The following ADAM22 variants were observed in gnomAD, a reference collection of about 807,000 sequenced individuals.
ADAM22 encodes ADAM metallopeptidase domain 22.
Under a neutral mutation model 144.6 loss-of-function variants are expected in ADAM22, and 65 were observed. The observed-to-expected ratio is 0.45, with a 90% CI of 0.37 to 0.55. The LOEUF is 0.55. Ranked by LOEUF, ADAM22 falls within the 20% of genes least tolerant of loss-of-function variation. ADAM22 has a pLI of 0.00. For synonymous variants in ADAM22, 391 were observed against 412.6 expected (o/e 0.95, Z 0.63); for missense variants, 974 against 1,184.9 (o/e 0.82, Z 2.61).
intron 3 of ADAM22, among the ~76,000 whole-genome samples, chr7:88,016,083 A>G (rs1796486790): frequency 1.3e-5 from 2 of 152,198 alleles, no homozygotes. Context: ...TGATTATTAC[A>G]AATGAGGAGT....
At chr7:87,981,477 A>C (rs928191347) in intron 3 of ADAM22, among the ~76,000 whole-genome samples, 3 of 152,112 alleles carry the variant, frequency 2.0e-5, no homozygotes, top group Non-Finnish European at 4.4e-5. Flanking sequence ...GAGGACAACT[A>C]GGAACTGAAG....
intron 29 of ADAM22, chr7:88,186,346 C>T (rs2129539354): frequency 2.4e-6 from 1 of 421,738 alleles, no homozygotes; most frequent in East Asian, 5.1e-5. Flanking sequence ...TGAAAGGGAG[C>T]TTCTAATTCA....
intron 3 of ADAM22, among the ~76,000 whole-genome samples, chr7:88,016,546 T>A (rs545884663): frequency 6.6e-6 from 1 of 152,216 alleles, no homozygotes; most frequent in South Asian, 2.1e-4. Flanking sequence ...TCTTTTTTTC[T>A]TATGTGAAAA....
chr7:88,066,377 G>C (rs1160916849), intron 3 of ADAM22, among the ~76,000 whole-genome samples: 2 of 152,084 alleles, frequency 1.3e-5, no homozygotes, highest in Non-Finnish European at 2.9e-5. Context: ...TTTTTGGCCA[G>C]GGTAACTGGA....
At chr7:87,970,155 A>G (rs559552368) in intron 2 of ADAM22, among the ~76,000 whole-genome samples, 8 of 152,274 alleles carry the variant, frequency 5.3e-5, no homozygotes, top group Non-Finnish European at 8.8e-5. Context: ...AATCCTTTGC[A>G]GCTCTTTTGC....
In ADAM22 at chr7:87,962,977, T is replaced by A. The variant is rs1848311468; in HGVS notation, c.247-15359T>A. On this transcript the variant is annotated intron_variant, in intron 2 of 31. Coordinates refer to ENST00000413139, the MANE Select transcript of ADAM22 (RefSeq NM_001324418.2). ...ACTTTTCATAAGCAACTGCTCACAG[T>A]TTTAAAACAGAGGGAAAACTCTTGG... 2.0e-5 allele frequency among the ~76,000 whole-genome samples: 3 copies of A among 152,256 alleles called. No homozygotes were observed. The South Asian group carries it at 6.2e-4, about 32-fold the overall frequency.
intron 5 of ADAM22, among the ~76,000 whole-genome samples, chr7:88,112,103 C>T (rs1287670399): frequency 2.0e-5 from 3 of 152,190 alleles, no homozygotes; most frequent in African/African-American, 2.4e-5. Context: ...TAGAGAGATA[C>T]TCCCTGCCAT....
intron 4 of ADAM22, among the ~76,000 whole-genome samples, chr7:88,092,765 G>A (rs138422502): frequency 2.4e-4 from 37 of 152,342 alleles, no homozygotes; most frequent in African/African-American, 8.7e-4. Context: ...AAGATTGCAA[G>A]TGGTCTTAAC....
At chr7:88,184,605 C>T (rs1847866656) in intron 29 of ADAM22, among the ~76,000 whole-genome samples, 1 of 152,072 alleles carries the variant, frequency 6.6e-6, no homozygotes, top group African/African-American at 2.4e-5. Context: ...CATCTAACGC[C>T]ATTTTTTTTT....
intron 4 of ADAM22, among the ~76,000 whole-genome samples, chr7:88,082,544 A>G (rs1817049645): frequency 6.6e-6 from 1 of 152,218 alleles, no homozygotes; most frequent in Non-Finnish European, 1.5e-5. Flanking sequence ...ATCAGAGTGA[A>G]CAGGCAACCT....
Position 87,937,584 on chromosome 7 carries a change from A to C in ADAM22, c.246+2398A>C, listed in dbSNP as rs149701977. Among the ~76,000 whole-genome samples, 141 of 152,272 alleles carry C rather than the reference A, an allele frequency of 9.3e-4. 2 individuals are homozygous for C. The East Asian group carries it at 0.026, about 28-fold the overall frequency. ...TGTTGGTGAAAGACCACCACTTTTGAAAAGTGGAGGAGGTCAGTCCTCCTT... is the reference window on the plus strand; with the variant it reads ...TGTTGGTGAAAGACCACCACTTTTGCAAAGTGGAGGAGGTCAGTCCTCCTT... On this transcript the variant is annotated intron_variant, in intron 2 of 31. Coordinates refer to ENST00000413139, the MANE Select transcript of ADAM22 (RefSeq NM_001324418.2).
chr7:88,196,493 A>G lies in ADAM22; in HGVS notation c.*2A>G. ...CAGCTATGGGAGACATCCATTTAAG[A>G]TCAACTGTTTACATGTGATACATCG... On this transcript the variant is annotated 3_prime_UTR_variant, in exon 32 of 32. Transcript: ENST00000413139. 6.2e-7 allele frequency: 1 copy of G among 1,614,128 alleles called. No homozygotes were observed. The highest frequency in any genetic ancestry group is 1.3e-5 in the African/African-American group (1 of 75,066).
intron 25 of ADAM22, chr7:88,168,464 T>A: frequency 3.8e-6 from 2 of 533,120 alleles, no homozygotes; most frequent in Non-Finnish European, 7.1e-6. Context: ...TATTTAAAAA[T>A]CCTTGAAGTG....
At position 88,111,437 on chromosome 7, in the gene ADAM22, A is replaced by G. The variant is rs751081760; in HGVS notation, c.474-3147A>G. 3.9e-5 allele frequency among the ~76,000 whole-genome samples: 6 copies of G among 152,218 alleles called. No individual in the cohort carries two copies. The East Asian group carries it at 7.7e-4, about 20-fold the overall frequency. On this transcript the variant is annotated intron_variant, in intron 5 of 31. Transcript: ENST00000413139. ...ATAAATAAGGGAAAATCAGATTCGT[A>G]TATCTTTCCCATAAAGAACCTGCAA...
Position 88,165,813 on chromosome 7 carries a change from G to C in ADAM22, c.2077-19G>C, listed in dbSNP as rs753976031. 6.4e-7 allele frequency: 1 copy of C among 1,552,760 alleles called. No individual in the cohort carries two copies. Among genetic ancestry groups the C allele is most frequent in the Admixed American group, 1.8e-5 (1 of 55,632 alleles). Reference sequence around the variant, plus strand: ...TACCAGAGAGTTGACATTTACTCTAGCTTGATTTTGGATCTCAGGTTTGCA... The same window carrying C: ...TACCAGAGAGTTGACATTTACTCTACCTTGATTTTGGATCTCAGGTTTGCA... On this transcript the variant is annotated intron_variant, in intron 23 of 31. Coordinates refer to ENST00000413139, the MANE Select transcript of ADAM22 (RefSeq NM_001324418.2).
chr7:88,082,233 G>A (rs1816920391), intron 4 of ADAM22, among the ~76,000 whole-genome samples: 1 of 152,150 alleles, frequency 6.6e-6, no homozygotes, highest in Admixed American at 6.5e-5. Flanking sequence ...ACCAGCAATG[G>A]GGAAAGGATT....
At chr7:88,063,109 G>C (rs1257020302) in intron 3 of ADAM22, among the ~76,000 whole-genome samples, 1 of 152,200 alleles carries the variant, frequency 6.6e-6, no homozygotes, top group African/African-American at 2.4e-5. Flanking sequence ...TGATAGACTT[G>C]CTTGGTGCCG....
intron 2 of ADAM22, among the ~76,000 whole-genome samples, chr7:87,958,586 A>G (rs1050213851): frequency 3.3e-5 from 5 of 151,974 alleles, no homozygotes; most frequent in African/African-American, 4.8e-5. Context: ...GGGTTTCACC[A>G]TGTTGGCCAG....
intron 4 of ADAM22, among the ~76,000 whole-genome samples, chr7:88,090,872 G>A (rs1819661313): frequency 6.6e-6 from 1 of 152,138 alleles, no homozygotes; most frequent in Admixed American, 6.6e-5. Flanking sequence ...GTTCCTGTGG[G>A]TTTGAGCTGT....
Sources: allele counts gnomAD v4.1 joint callset (sites outside exome capture counted in the v4.1 genomes callset), GRCh38; gene constraint gnomAD v4.1.1; transcripts MANE v1.5; gene names NCBI Gene and HGNC (gene_info 2026-07-23, HGNC 2026-07-21).